The following WDFY1 variants were observed in gnomAD, a reference collection of about 807,000 sequenced individuals.
The protein encoded by WDFY1 is WD repeat and FYVE domain-containing protein 1.
In WDFY1, 32 loss-of-function variants were observed where a neutral mutation model predicts 56.4. The observed-to-expected ratio is 0.57, with a 90% confidence interval of 0.43 to 0.76. The LOEUF is 0.76. Ranked by LOEUF, WDFY1 falls within the 30% of genes least tolerant of loss-of-function variation. The probability of loss-of-function intolerance (pLI) is 0.00; values close to 1 mark genes in which losing one functional copy is unlikely to be tolerated. For missense variants in WDFY1, 480 were observed against 545.7 expected, an observed-to-expected ratio of 0.88 and a Z score of 1.20; for synonymous variants, 192 against 197.3, an observed-to-expected ratio of 0.97 and a Z score of 0.23.
chr2:223,892,203 T>G (rs1693292285), intron 8 of WDFY1, among the ~76,000 whole-genome samples: 1 of 152,170 alleles, frequency 6.6e-6, no homozygotes, highest in Non-Finnish European at 1.5e-5. Context: ...CTCCAACTCC[T>G]GACCTCAGGT....
At chr2:223,928,175 C>T (rs1278669237) in intron 1 of WDFY1, among the ~76,000 whole-genome samples, 1 of 152,130 alleles carries the variant, frequency 6.6e-6, no homozygotes, top group Non-Finnish European at 1.5e-5. Flanking sequence ...AAATGTGACA[C>T]AGAGACACAA....
At chr2:223,894,083 G>A in intron 8 of WDFY1, 151 bp downstream of exon 8, 2 of 675,986 alleles carry the variant, frequency 3.0e-6, no homozygotes, top group South Asian at 3.8e-5. Context: ...TGACACAAAG[G>A]ACCTTGTCAG....
chr2:223,934,768 G>A (rs34209645), intron 1 of WDFY1, among the ~76,000 whole-genome samples: 49,135 of 152,044 alleles, frequency 0.32, 9,358 homozygotes, highest in Non-Finnish European at 0.42. Context: ...TGATCCACCT[G>A]CCTCGGCCTC....
chr2:223,896,999 C>T (rs1032896088), intron 6 of WDFY1, among the ~76,000 whole-genome samples: 2 of 152,154 alleles, frequency 1.3e-5, no homozygotes, highest in Non-Finnish European at 2.9e-5. Context: ...AAAGTGGTTT[C>T]TTCACGGGCC....
chr2:223,890,607 T>C (rs975654622), intron 8 of WDFY1, among the ~76,000 whole-genome samples: 5 of 152,208 alleles, frequency 3.3e-5, no homozygotes, highest in African/African-American at 1.2e-4. Context: ...GAAGCTTTCG[T>C]TTTGTGCTGA....
intron 1 of WDFY1, among the ~76,000 whole-genome samples, chr2:223,918,415 T>G (rs1574774254): frequency 6.6e-6 from 1 of 152,020 alleles, no homozygotes; most frequent in Admixed American, 6.5e-5. Flanking sequence ...GATCACGAGG[T>G]CAGGAGATCA....
chr2:223,945,225 G>T lies in WDFY1; in HGVS notation c.60C>A (p.Ile20=). Residue 20 remains isoleucine, a synonymous_variant, in exon 1 of 12, where the codon ATC becomes ATA. Coordinates refer to ENST00000233055, the MANE Select transcript of WDFY1 (RefSeq NM_020830.5). ...CCGTGACGGCGTCCTGGTGCCCCTC[G>T]ATCTTGCTCAGCAGCACCGGGCGGC... ...QSSRPVLLSK[I]EGHQDAVTAA... 2 of 1,598,230 alleles carry T rather than the reference G, an allele frequency of 1.3e-6. No individual in the cohort carries two copies.
chr2:223,905,310 T>TA (rs10707929), intron 4 of WDFY1, among the ~76,000 whole-genome samples: 25 of 150,384 alleles, frequency 1.7e-4, no homozygotes, highest in East Asian at 1.4e-3. Context: ...GAATTTGTCT[T>TA]AAAAAAAAAA....
intron 10 of WDFY1, 149 bp from the exon 11 acceptor site, chr2:223,880,381 T>C: frequency 1.6e-6 from 1 of 625,112 alleles, no homozygotes; most frequent in Non-Finnish European, 2.8e-6. Flanking sequence ...CCGAGACGGG[T>C]GGATCACTTG....
intron 3 of WDFY1, among the ~76,000 whole-genome samples, chr2:223,908,088 G>GGT (rs1235431847): frequency 7.2e-5 from 11 of 151,956 alleles, no homozygotes. Context: ...TCTAACTCCT[G>GGT]GGCTCAATCC....
chr2:223,881,539 TG>T (rs1693072727), intron 10 of WDFY1, among the ~76,000 whole-genome samples: 1 of 152,120 alleles, frequency 6.6e-6, no homozygotes, highest in African/African-American at 2.4e-5. Context: ...CCTGTAATCC[TG>T]GCACTTTGAG....
intron 1 of WDFY1, among the ~76,000 whole-genome samples, chr2:223,944,634 A>G (rs539656364): frequency 5.4e-4 from 67 of 123,122 alleles, no homozygotes; most frequent in African/African-American, 7.8e-4. Context: ...GGAGGGGCGC[A>G]GTGGGACAGA....
intron 8 of WDFY1, among the ~76,000 whole-genome samples, chr2:223,893,971 C>T (rs538548882): frequency 6.6e-6 from 1 of 152,332 alleles, no homozygotes; most frequent in South Asian, 2.1e-4. Context: ...AAAGTGTTAT[C>T]TCAGTGTATT....
chr2:223,908,395 G>C (rs549128785), intron 3 of WDFY1, among the ~76,000 whole-genome samples: 8 of 152,116 alleles, frequency 5.3e-5, no homozygotes, highest in African/African-American at 1.9e-4. Flanking sequence ...TGTCTTCTAC[G>C]TGCCATCCCA....
intron 1 of WDFY1, among the ~76,000 whole-genome samples, chr2:223,926,472 A>T (rs77841681): frequency 0.021 from 3,176 of 152,012 alleles, 129 homozygotes; most frequent in African/African-American, 0.072. Flanking sequence ...AGTTGAAATT[A>T]CTCCTTGATC....
intron 6 of WDFY1, among the ~76,000 whole-genome samples, chr2:223,898,426 G>A (rs1216664091): frequency 2.0e-5 from 3 of 152,076 alleles, no homozygotes; most frequent in Admixed American, 2.0e-4. Flanking sequence ...TTGAGACAGA[G>A]TCTCACTCTG....
At chr2:223,897,367 T>C (rs1693400908) in intron 6 of WDFY1, among the ~76,000 whole-genome samples, 1 of 31,572 alleles carries the variant, frequency 3.2e-5, no homozygotes, top group Non-Finnish European at 7.4e-5. Flanking sequence ...TATATATATA[T>C]ATATATATAT....
intron 1 of WDFY1, among the ~76,000 whole-genome samples, chr2:223,938,477 G>C (rs1689240913): frequency 6.6e-6 from 1 of 152,148 alleles, no homozygotes; most frequent in African/African-American, 2.4e-5. Flanking sequence ...TACCAGGAAA[G>C]TCACCACTGT....
chr2:223,891,619 G>A (rs1038979608), intron 8 of WDFY1, among the ~76,000 whole-genome samples: 5 of 151,948 alleles, frequency 3.3e-5, no homozygotes, highest in African/African-American at 9.7e-5. Context: ...CCTAGATAGA[G>A]AAATACACTC....
Sources: allele counts gnomAD v4.1 joint callset (sites outside exome capture counted in the v4.1 genomes callset), GRCh38; gene constraint gnomAD v4.1.1; transcripts MANE v1.5; gene names NCBI Gene and HGNC (gene_info 2026-07-23, HGNC 2026-07-21).